Variants in DCP2 observed in about 807,000 individuals in gnomAD.
DCP2 encodes the protein m7GpppN-mRNA hydrolase.
DCP2 carries 30 observed loss-of-function variants against 56.1 expected under a neutral mutation model. The observed-to-expected ratio is 0.53, with a 90% CI of 0.40 to 0.73. DCP2 has a LOEUF of 0.73. Ranked by LOEUF, DCP2 falls within the 30% of genes least tolerant of loss-of-function variation. The pLI, the probability that DCP2 is intolerant of heterozygous loss-of-function variation, is 0.00. For synonymous variants in DCP2, 197 were observed against 163.3 expected (o/e 1.21, Z -1.57); for missense variants, 533 against 502.7 (o/e 1.06, Z -0.58).
chr5:112,985,074 A>G (rs559002615), intron 1 of DCP2, among the ~76,000 whole-genome samples: 1 of 152,270 alleles, frequency 6.6e-6, no homozygotes, highest in East Asian at 1.9e-4. Context: ...TTACTGGGAA[A>G]AAGGATTACC....
intron 8 of DCP2, among the ~76,000 whole-genome samples, chr5:113,006,117 CAAAAAA>C (rs75106280): frequency 9.6e-5 from 6 of 62,442 alleles, no homozygotes; most frequent in African/African-American, 1.6e-4. Flanking sequence ...ACCCTATCTC[CAAAAAA>C]AAAAAAAAAA....
intron 1 of DCP2, among the ~76,000 whole-genome samples, chr5:112,979,160 A>G (rs1747878409): frequency 1.3e-5 from 2 of 152,164 alleles, no homozygotes; most frequent in Non-Finnish European, 2.9e-5. Flanking sequence ...TTTTGAATGG[A>G]GTAACATTTT....
At chr5:113,005,692 A>G (rs1749395199) in intron 8 of DCP2, among the ~76,000 whole-genome samples, 1 of 152,244 alleles carries the variant, frequency 6.6e-6, no homozygotes, top group South Asian at 2.1e-4. Flanking sequence ...TTAAACAGAT[A>G]ACTTGTGTAC....
chr5:112,993,011 T>G (rs1246041749), intron 4 of DCP2, among the ~76,000 whole-genome samples: 7 of 152,138 alleles, frequency 4.6e-5, no homozygotes, highest in Non-Finnish European at 8.8e-5. Context: ...TCTTGTTCCT[T>G]TCTTTGATGA....
At chr5:112,982,229 C>T (rs964716079) in intron 1 of DCP2, among the ~76,000 whole-genome samples, 3 of 152,204 alleles carry the variant, frequency 2.0e-5, no homozygotes, top group African/African-American at 4.8e-5. Flanking sequence ...CAACCCTTCT[C>T]ATCCGCTTCC....
rs1749902259 is a variant in DCP2, at chr5:113,016,741, T to G, written c.*3257T>G. On this transcript the variant is annotated 3_prime_UTR_variant, in exon 11 of 11. Transcript: ENST00000389063. ...TCTCTCATGGACTTCTCATCCTTTC[T>G]TTTTTCATCTCCAACAGTTAAATGG... is the stretch of plus-strand genomic sequence containing the variant. The G allele has an allele frequency of 6.6e-6, 1 of 152,204 alleles. No homozygotes were observed. The highest frequency in any genetic ancestry group is 2.1e-4 in the South Asian group (1 of 4,836). 9.4% of individuals were successfully genotyped at this position (152,204 alleles called of 1,614,324 possible).
chr5:112,986,048 T>A (rs1748268265), intron 2 of DCP2, 62 bp downstream of exon 2: 3 of 1,442,212 alleles, frequency 2.1e-6, no homozygotes, highest in African/African-American at 2.8e-5. Flanking sequence ...AGCACAAATT[T>A]CTTTTTGCTT....
rs1750035588 is a variant in DCP2, at chr5:113,019,918, T to C, written c.*6434T>C. 2 of 152,252 alleles carry C rather than the reference T, an allele frequency of 1.3e-5. No individual in the cohort carries two copies. The highest frequency in any genetic ancestry group is 2.9e-5 in the Non-Finnish European group (2 of 68,032). The allele number at this position is 152,252 out of a possible 1,614,324, so 9.4% of individuals were successfully genotyped here. The stretch of plus-strand genomic sequence containing the variant: ...TCTCTTAATAAGATTGCCTTTTGTC[T>C]AACCGAAATAGGGCATACAGATTAG... On this transcript the variant is annotated 3_prime_UTR_variant, in exon 11 of 11. Transcript: ENST00000389063.
intron 9 of DCP2, among the ~76,000 whole-genome samples, chr5:113,009,921 CTT>C (rs564861668): frequency 1.5e-4 from 20 of 136,008 alleles, no homozygotes; most frequent in East Asian, 2.1e-4. Flanking sequence ...CTTTTTTTTC[CTT>C]TTTTTTTTTT....
rs772488929 is a variant in DCP2, at chr5:112,985,985, T to C, written c.204T>C (p.Ala68=). The part of the protein sequence containing the change: ...PQCGIRDFAK[A]VFSHCPFLLP... The stretch of plus-strand genomic sequence containing the variant: ...GTGGGATAAGAGACTTTGCTAAAGC[T>C]GATATCCTTTTTATTACTATAATGA... Residue 68 remains alanine, a splice_region_variant and synonymous_variant, in exon 2 of 11, where the codon GCT becomes GCC. Coordinates refer to ENST00000389063, the MANE Select transcript of DCP2 (RefSeq NM_152624.6). 24 of 1,527,252 alleles carry C rather than the reference T, an allele frequency of 1.6e-5. No homozygotes were observed. Among genetic ancestry groups the C allele is most frequent in the Admixed American group, 1.5e-4 (9 of 58,930 alleles). The allele number at this position is 1,527,252 out of a possible 1,614,324, so 94.6% of individuals were successfully genotyped here. A position where few individuals can be genotyped will look rare whatever the true frequency, so the allele number is the denominator to read the frequency against.
intron 2 of DCP2, among the ~76,000 whole-genome samples, chr5:112,987,582 A>T (rs1748353970): frequency 7.2e-6 from 1 of 137,940 alleles, no homozygotes; most frequent in African/African-American, 2.7e-5. Flanking sequence ...CCTCCTGAGT[A>T]GCTGGGACTA....
At position 113,017,461 on chromosome 5, in the gene DCP2, C is replaced by G. The variant is rs1039916749; in HGVS notation, c.*3977C>G. The G allele has an allele frequency of 6.6e-6, 1 of 152,118 alleles. No homozygotes were observed. The highest frequency in any genetic ancestry group is 6.5e-5 in the Admixed American group (1 of 15,276). The allele number at this position is 152,118 out of a possible 1,614,324, so 9.4% of individuals were successfully genotyped here. On this transcript the variant is annotated 3_prime_UTR_variant, in exon 11 of 11. Coordinates refer to ENST00000389063, the MANE Select transcript of DCP2 (RefSeq NM_152624.6). ...TCCTAAGACTTGAAAGTGCATTTGTCTAGTTGCCAAAAGTTCTAAAAATGA... is the reference window on the plus strand; with the variant it reads ...TCCTAAGACTTGAAAGTGCATTTGTGTAGTTGCCAAAAGTTCTAAAAATGA...
At chr5:113,010,206 T>C (rs7444601) in intron 9 of DCP2, among the ~76,000 whole-genome samples, 1 of 138,952 alleles carries the variant, frequency 7.2e-6, no homozygotes, top group Non-Finnish European at 1.6e-5. Flanking sequence ...CTAATTCTTG[T>C]ATTTTTTTTT....
In DCP2 at chr5:113,021,349, C is replaced by A; in HGVS notation, c.*7865C>A. Among the ~76,000 whole-genome samples the A allele has an allele frequency of 7.8e-6, 1 of 127,770 alleles. No individual in the cohort carries two copies. The highest frequency in any genetic ancestry group is 1.6e-5 in the Non-Finnish European group (1 of 63,830). 83.8% of individuals were successfully genotyped at this position (127,770 alleles called of 152,430 possible). On this transcript the variant is annotated 3_prime_UTR_variant, in exon 11 of 11. Transcript: ENST00000389063. The stretch of plus-strand genomic sequence containing the variant: ...ACCACTGCACTCCAGCCTGGGTGAA[C>A]AGAGCAAGACTCTGTCTGGAAAAAA...
chr5:113,021,647 T>TAA lies in DCP2; in HGVS notation c.*8164_*8165dup, dbSNP rs1197823395. 6.7e-6 allele frequency among the ~76,000 whole-genome samples: 1 copy of TAA among 149,176 alleles called. No homozygotes were observed. Among genetic ancestry groups the TAA allele is most frequent in the Non-Finnish European group, 1.5e-5 (1 of 67,962 alleles). On this transcript the variant is annotated 3_prime_UTR_variant, in exon 11 of 11. Transcript: ENST00000389063. ...ATTAGAGACCTCAGCTATATGATAG[T>TAA]AACTTTTATTTTAAATTCTCAAAAG...
intron 1 of DCP2, among the ~76,000 whole-genome samples, chr5:112,982,117 G>T (rs1260108000): frequency 1.3e-5 from 2 of 152,100 alleles, no homozygotes; most frequent in Non-Finnish European, 2.9e-5. Context: ...GGGACAGTTG[G>T]CTTTCTGTTC....
At chr5:112,994,527 G>A (rs1326038340) in intron 4 of DCP2, among the ~76,000 whole-genome samples, 2 of 152,062 alleles carry the variant, frequency 1.3e-5, no homozygotes, top group African/African-American at 4.8e-5. Flanking sequence ...CTAGCAAACA[G>A]TAGTGTTAGT....
At chr5:112,977,769 A>G (rs1037613488) in intron 1 of DCP2, among the ~76,000 whole-genome samples, 11 of 152,150 alleles carry the variant, frequency 7.2e-5, no homozygotes, top group African/African-American at 2.7e-4. Flanking sequence ...TCCGAAGGTA[A>G]AATTTGGAGT....
chr5:112,991,235 T>C (rs1193775060), intron 2 of DCP2, among the ~76,000 whole-genome samples: 5 of 152,210 alleles, frequency 3.3e-5, no homozygotes, highest in Admixed American at 3.3e-4. Context: ...TACAAATTTT[T>C]ATTGAAGAAT....
Sources: allele counts gnomAD v4.1 joint callset (sites outside exome capture counted in the v4.1 genomes callset), GRCh38; gene constraint gnomAD v4.1.1; transcripts MANE v1.5; gene names NCBI Gene and HGNC (gene_info 2026-07-23, HGNC 2026-07-21).